FAM135B: variants seen among roughly 807,000 people sequenced by gnomAD.
FAM135B encodes protein FAM135B.
FAM135B carries 43 observed loss-of-function variants against 127.7 expected under a neutral mutation model. That is an observed-to-expected ratio of 0.34 (90% CI 0.26 to 0.43). The LOEUF is 0.43. FAM135B is among the 20% of genes least tolerant of loss of function. FAM135B has a pLI of 1.00. For synonymous variants in FAM135B, 670 were observed against 665.1 expected (o/e 1.01, Z -0.11); for missense variants, 1,558 against 1,725.6 (o/e 0.90, Z 1.72).
At chr8:138,220,577 G>C (rs1818950817) in intron 7 of FAM135B, among the ~76,000 whole-genome samples, 1 of 152,134 alleles carries the variant, frequency 6.6e-6, no homozygotes, top group Non-Finnish European at 1.5e-5. Context: ...GTAAATAAAT[G>C]CAAAGAGCCT....
rs545979544 is a variant in FAM135B at position 138,164,096 on chromosome 8, G to A, written c.1258+3799C>T. On this transcript the variant is annotated intron_variant, in intron 12 of 19. Coordinates refer to ENST00000395297, the MANE Select transcript of FAM135B (RefSeq NM_015912.4). ...GTATCTGATAACGTCATGGCAAGGC[G>A]TAAGTATTAAGGTCACTGGGTTCTT... Among the ~76,000 whole-genome samples the A allele has an allele frequency of 5.4e-4, 83 of 152,318 alleles. 1 individual carries two copies. Among genetic ancestry groups the A allele is most frequent in the Middle Eastern group, 3.4e-3 (1 of 294 alleles).
chr8:138,269,055 G>T (rs1052376977), intron 3 of FAM135B, among the ~76,000 whole-genome samples: 3 of 152,174 alleles, frequency 2.0e-5, no homozygotes, highest in Non-Finnish European at 4.4e-5. Flanking sequence ...AACTCTTCAG[G>T]TTTCAGCTGC....
chr8:138,193,359 G>T, intron 9 of FAM135B, among the ~76,000 whole-genome samples: 1 of 152,150 alleles, frequency 6.6e-6, no homozygotes, highest in East Asian at 1.9e-4. Flanking sequence ...GGTGATCCCG[G>T]ACTAGGGAAG....
chr8:138,283,902 G>A (rs1254586386), intron 3 of FAM135B, among the ~76,000 whole-genome samples: 1 of 151,848 alleles, frequency 6.6e-6, no homozygotes. Flanking sequence ...GCCATTCCAA[G>A]CAGAGGGAAC....
At chr8:138,456,190 A>C (rs571155768) in intron 1 of FAM135B, among the ~76,000 whole-genome samples, 1 of 152,264 alleles carries the variant, frequency 6.6e-6, no homozygotes, top group South Asian at 2.1e-4. Context: ...ACACAACAAA[A>C]CTGTGAAAAT....
chr8:138,252,974 A>G (rs1563823212), intron 5 of FAM135B, among the ~76,000 whole-genome samples: 1 of 151,952 alleles, frequency 6.6e-6, no homozygotes, highest in South Asian at 2.1e-4. Context: ...TAATTTTTGT[A>G]TTTTTCAGTA....
At chr8:138,153,658 G>A (rs1818405780) in intron 12 of FAM135B, among the ~76,000 whole-genome samples, 1 of 152,220 alleles carries the variant, frequency 6.6e-6, no homozygotes, top group African/African-American at 2.4e-5. Context: ...CTGGCTTGGA[G>A]GGTCCTACAC....
chr8:138,239,340 T>G (rs949571976), intron 7 of FAM135B, among the ~76,000 whole-genome samples: 10 of 152,376 alleles, frequency 6.6e-5, no homozygotes, highest in Admixed American at 3.3e-4. Flanking sequence ...ATGTGTCTAT[T>G]GGCTGCATAA....
intron 7 of FAM135B, among the ~76,000 whole-genome samples, chr8:138,214,601 A>G (rs577570140): frequency 6.6e-6 from 1 of 152,350 alleles, no homozygotes; most frequent in Non-Finnish European, 1.5e-5. Flanking sequence ...CAGTCAAGAA[A>G]AACACCATGT....
At position 138,243,363 on chromosome 8, in the gene FAM135B, A is replaced by C. The variant is rs561018291; in HGVS notation, c.543-295T>G. Among the ~76,000 whole-genome samples the C allele has an allele frequency of 7.9e-4, 120 of 152,342 alleles. No homozygotes were observed. Among genetic ancestry groups the C allele is most frequent in the African/African-American group, 2.7e-3 (114 of 41,578 alleles). On this transcript the variant is annotated intron_variant, in intron 6 of 19. Coordinates refer to ENST00000395297, the MANE Select transcript of FAM135B (RefSeq NM_015912.4). This position sits in a 1 kb window ranked among gnomAD's most constrained non-coding sequence, Gnocchi z 7.5. ...GTAAGAAACACTGAAGCAGAGCTCC[A>C]AGCTTATATCACTAGAGGGGAAGGT...
intron 4 of FAM135B, among the ~76,000 whole-genome samples, chr8:138,265,194 C>G (rs781530839): frequency 6.6e-6 from 1 of 152,130 alleles, no homozygotes; most frequent in Non-Finnish European, 1.5e-5. Context: ...TTTGTGTAAG[C>G]CTTGATGAAC....
At chr8:138,285,624 A>T (rs960027049) in intron 3 of FAM135B, among the ~76,000 whole-genome samples, 1 of 152,194 alleles carries the variant, frequency 6.6e-6, no homozygotes, top group African/African-American at 2.4e-5. Context: ...ATTACTACCA[A>T]TCCATGAAAA....
intron 12 of FAM135B, among the ~76,000 whole-genome samples, chr8:138,164,916 T>C (rs1171620490): frequency 1.3e-5 from 2 of 152,140 alleles, no homozygotes; most frequent in African/African-American, 2.4e-5. Context: ...GGATAACCAA[T>C]GGATTAGAGG....
At chr8:138,213,034 T>C (rs968219348) in intron 7 of FAM135B, among the ~76,000 whole-genome samples, 12 of 152,188 alleles carry the variant, frequency 7.9e-5, no homozygotes, top group African/African-American at 2.9e-4. Flanking sequence ...TGTGAGACAT[T>C]GTCTGTTAAA....
At position 138,430,346 on chromosome 8, in the gene FAM135B, T is replaced by C. The variant is rs972130601; in HGVS notation, c.-19-62344A>G. 8.5e-5 allele frequency among the ~76,000 whole-genome samples: 13 copies of C among 152,320 alleles called. No individual in the cohort carries two copies. In the Middle Eastern group the frequency reaches 0.01, roughly 120 times the overall value. Reference sequence around the variant, plus strand: ...AAGAACACTGCAAGGACAATTAGTATGTATTTTTAATATACATGCATAAAA... The same window carrying C: ...AAGAACACTGCAAGGACAATTAGTACGTATTTTTAATATACATGCATAAAA... On this transcript the variant is annotated intron_variant, in intron 1 of 19. Transcript: ENST00000395297.
At chr8:138,220,666 T>C (rs12550492) in intron 7 of FAM135B, among the ~76,000 whole-genome samples, 32,680 of 151,896 alleles carry the variant, frequency 0.22, 3,723 homozygotes, top group Non-Finnish European at 0.23. Flanking sequence ...ATGATGCTAG[T>C]GGTGGTGATA....
chr8:138,177,990 A>G (rs149149012), intron 10 of FAM135B, among the ~76,000 whole-genome samples: 69 of 152,306 alleles, frequency 4.5e-4, no homozygotes, highest in African/African-American at 1.6e-3. Flanking sequence ...CATGCCTGTA[A>G]TCCCAGCACT....
At chr8:138,226,188 C>CGT (rs1819435242) in intron 7 of FAM135B, among the ~76,000 whole-genome samples, 3 of 81,850 alleles carry the variant, frequency 3.7e-5, no homozygotes, top group Admixed American at 1.2e-4. Flanking sequence ...TGTGTGTGCG[C>CGT]GCATGTCATT....
Position 138,472,651 on chromosome 8 carries a change from G to A in FAM135B, c.-20+24020C>T, listed in dbSNP as rs529647612. Among the ~76,000 whole-genome samples the A allele has an allele frequency of 2.5e-4, 38 of 152,218 alleles. No individual in the cohort carries two copies. The South Asian group carries it at 7.9e-3, about 32-fold the overall frequency. ...GGAAGATAAAGAGTAGAGGAAGGAG[G>A]TGTTAAAGGGTTGTCCAGCAATGTT... On this transcript the variant is annotated intron_variant, in intron 1 of 19. Transcript: ENST00000395297.
Sources: allele counts gnomAD v4.1 joint callset (sites outside exome capture counted in the v4.1 genomes callset), GRCh38; gene constraint gnomAD v4.1.1; non-coding constraint Gnocchi (gnomAD v3.1); transcripts MANE v1.5; gene names NCBI Gene and HGNC (gene_info 2026-07-23, HGNC 2026-07-21).